The following DNAH9 variants were observed in gnomAD, a reference collection of about 807,000 sequenced individuals.
DNAH9 encodes the protein dynein axonemal heavy chain 9, also known as DNAH9 variant protein.
Under a neutral mutation model 471.6 loss-of-function variants are expected in DNAH9, and 345 were observed. That is an observed-to-expected ratio of 0.73 (90% confidence interval 0.67 to 0.80). DNAH9 has a LOEUF of 0.80. DNAH9 is among the 30% of genes least tolerant of loss of function. DNAH9 has a pLI of 0.00. For synonymous variants in DNAH9, 2,093 were observed against 2,123.6 expected (o/e 0.99, Z 0.40); for missense variants, 5,407 against 5,609.2 (o/e 0.96, Z 1.15).
rs914763292 is a variant in DNAH9 at position 11,616,593 on chromosome 17, T to C, written c.905-818T>C. Among the ~76,000 whole-genome samples the C allele has an allele frequency of 2.6e-5, 4 of 152,346 alleles. No homozygotes were observed. The South Asian group carries it at 8.3e-4, about 32-fold the overall frequency. On this transcript the variant is annotated intron_variant, in intron 4 of 68. Transcript: ENST00000262442. ...AGGCCCCTTTCTTTCCTTGGTTGTA[T>C]TCAGAGGAGATGGTAAGAGATTTTC...
At chr17:11,733,244 G>C (rs1261296758) in intron 28 of DNAH9, among the ~76,000 whole-genome samples, 1 of 152,170 alleles carries the variant, frequency 6.6e-6, no homozygotes, top group Non-Finnish European at 1.5e-5. Context: ...TAGAATAGAA[G>C]GGCCAAGGTA....
intron 26 of DNAH9, among the ~76,000 whole-genome samples, chr17:11,707,992 CACACACACACACACACACACACAGAG>C (rs1368848436): frequency 2.6e-3 from 201 of 76,122 alleles, no homozygotes; most frequent in Middle Eastern, 0.014. Flanking sequence ...CACACACACA[CACACACACACACACACACACACAGAG>C]AGAGAGAGAG....
chr17:11,818,256 C>T (rs1407246722), intron 45 of DNAH9, among the ~76,000 whole-genome samples: 1 of 152,034 alleles, frequency 6.6e-6, no homozygotes, highest in African/African-American at 2.4e-5. Context: ...TGGTGAAACC[C>T]CGTCTGTACT....
At chr17:11,835,160 T>A (rs149005612) in intron 49 of DNAH9, among the ~76,000 whole-genome samples, 1 of 152,134 alleles carries the variant, frequency 6.6e-6, no homozygotes, top group Admixed American at 6.5e-5. Flanking sequence ...CCTTACTTCA[T>A]GTATGAGAAA....
Position 11,704,280 on chromosome 17 carries a change from G to C in DNAH9, c.5229G>C (p.Glu1743Asp). The change falls in exon 25 of 69, where the codon GAG becomes GAC. Residue 1743 changes from glutamate to aspartate, a missense_variant. This residue lies in a region of DNAH9 where 4,636 missense variants were observed against 4,900.3 expected (regional missense o/e 0.95). Coordinates refer to ENST00000262442, the MANE Select transcript of DNAH9 (RefSeq NM_001372.4). ...MAFARLEEGY[E>D]SAMKDYYKKQ... ...TTGCCAGGCTGGAGGAAGGCTATGAGAGTGCCATGAAGGACTATTATAAGA... is the reference window on the plus strand; with the variant it reads ...TTGCCAGGCTGGAGGAAGGCTATGACAGTGCCATGAAGGACTATTATAAGA... 6.2e-7 allele frequency: 1 copy of C among 1,614,206 alleles called. No individual in the cohort carries two copies.
intron 61 of DNAH9, among the ~76,000 whole-genome samples, chr17:11,909,275 T>C (rs1973709894): frequency 6.6e-6 from 1 of 152,128 alleles, no homozygotes; most frequent in Non-Finnish European, 1.5e-5. Context: ...GGAATATGCC[T>C]TTTGTAAGCA....
At chr17:11,638,963 C>T (rs1467195890) in intron 9 of DNAH9, among the ~76,000 whole-genome samples, 1 of 152,202 alleles carries the variant, frequency 6.6e-6, no homozygotes, top group Non-Finnish European at 1.5e-5. Context: ...CCTCCATCTT[C>T]AAGCCAGCAA....
rs569575750 is a variant in DNAH9, at chr17:11,962,546, T to C, written c.13233+290T>C. Among the ~76,000 whole-genome samples the C allele has an allele frequency of 6.6e-6, 1 of 152,344 alleles. No homozygotes were observed. Among genetic ancestry groups the C allele is most frequent in the South Asian group, 2.1e-4 (1 of 4,828 alleles). Reference sequence around the variant, plus strand: ...TAACTCTGTAACTTTAGATATAGTTTCACCTTTCCAGACCTCACCTGTTAG... The same window carrying C: ...TAACTCTGTAACTTTAGATATAGTTCCACCTTTCCAGACCTCACCTGTTAG... On this transcript the variant is annotated intron_variant, in intron 68 of 68. Coordinates refer to ENST00000262442, the MANE Select transcript of DNAH9 (RefSeq NM_001372.4). This position sits in a 1 kb window ranked among gnomAD's most constrained non-coding sequence, Gnocchi z 4.1.
chr17:11,753,452 G>A (rs1293341981), intron 33 of DNAH9, among the ~76,000 whole-genome samples: 1 of 152,112 alleles, frequency 6.6e-6, no homozygotes, highest in Non-Finnish European at 1.5e-5. Flanking sequence ...ATCACCTGAG[G>A]TCAGGAGTTC....
At chr17:11,622,856 C>T (rs986429993) in intron 6 of DNAH9, among the ~76,000 whole-genome samples, 10 of 152,136 alleles carry the variant, frequency 6.6e-5, no homozygotes, top group African/African-American at 2.2e-4. Context: ...ATGAGTGTCA[C>T]CAAGCTCCCT....
chr17:11,854,077 A>G lies in DNAH9; in HGVS notation c.9582A>G (p.Val3194=), dbSNP rs753987876. The change falls in exon 50 of 69, where the codon GTA becomes GTG. Residue 3194 remains valine, a synonymous_variant. Transcript: ENST00000262442. ...AVSNVSAAVM[V]LMAPRGRVPK... ...GCAATGTCAGCGCTGCGGTGATGGTACTGATGGCTCCCAGGGGTAGGGTGC... is the reference window on the plus strand; with the variant it reads ...GCAATGTCAGCGCTGCGGTGATGGTGCTGATGGCTCCCAGGGGTAGGGTGC... 1.2e-6 allele frequency: 2 copies of G among 1,614,174 alleles called. No individual in the cohort carries two copies. Among genetic ancestry groups the G allele is most frequent in the Non-Finnish European group, 1.7e-6 (2 of 1,180,034 alleles).
intron 67 of DNAH9, among the ~76,000 whole-genome samples, chr17:11,956,219 T>C (rs1193879358): frequency 6.6e-6 from 1 of 152,182 alleles, no homozygotes; most frequent in East Asian, 1.9e-4. Context: ...AAACTAACTA[T>C]ATTTTTAAAT....
intron 49 of DNAH9, among the ~76,000 whole-genome samples, chr17:11,849,468 G>A (rs1971336743): frequency 6.6e-6 from 1 of 152,118 alleles, no homozygotes; most frequent in Non-Finnish European, 1.5e-5. Flanking sequence ...TGGTGGTCTG[G>A]CCCCAGCTGC....
At chr17:11,865,163 G>A (rs1053464198) in intron 50 of DNAH9, among the ~76,000 whole-genome samples, 1 of 151,994 alleles carries the variant, frequency 6.6e-6, no homozygotes, top group Non-Finnish European at 1.5e-5. Context: ...GCTGGTACCG[G>A]TTGTTCCTTT....
At chr17:11,737,409 C>A (rs1210309115) in intron 28 of DNAH9, among the ~76,000 whole-genome samples, 1 of 148,326 alleles carries the variant, frequency 6.7e-6, no homozygotes, top group Non-Finnish European at 1.5e-5. Context: ...TCTTCTAGCA[C>A]CCTGGACTTA....
chr17:11,913,781 C>CAA (rs202156734), intron 61 of DNAH9, among the ~76,000 whole-genome samples: 5 of 110,402 alleles, frequency 4.5e-5, no homozygotes, highest in Non-Finnish European at 5.8e-5. Flanking sequence ...GACCCCGTCT[C>CAA]AAAAAAAAAA....
At chr17:11,913,260 T>C (rs569738256) in intron 61 of DNAH9, among the ~76,000 whole-genome samples, 3 of 152,336 alleles carry the variant, frequency 2.0e-5, no homozygotes, top group South Asian at 4.1e-4. Context: ...CTGAGTTTTT[T>C]TGAGTAAGAA....
intron 43 of DNAH9, among the ~76,000 whole-genome samples, chr17:11,806,345 G>T (rs1969681990): frequency 6.6e-6 from 1 of 152,060 alleles, no homozygotes; most frequent in South Asian, 2.1e-4. Flanking sequence ...TATAATCAGA[G>T]ATATAAACTT....
At chr17:11,654,085 G>A (rs1207052874) in intron 14 of DNAH9, among the ~76,000 whole-genome samples, 3 of 66,908 alleles carry the variant, frequency 4.5e-5, no homozygotes, top group Admixed American at 1.2e-4. Context: ...GCCGGGCGCG[G>A]TGGCTCACGC....
Sources: allele counts gnomAD v4.1 joint callset (sites outside exome capture counted in the v4.1 genomes callset), GRCh38; gene constraint gnomAD v4.1.1; regional missense constraint gnomAD v4.1.1; non-coding constraint Gnocchi (gnomAD v3.1); transcripts MANE v1.5; gene names NCBI Gene and HGNC (gene_info 2026-07-23, HGNC 2026-07-21).